Variants in DOCK7 observed in about 807,000 individuals in gnomAD.
DOCK7 encodes dedicator of cytokinesis protein 7.
Under a neutral mutation model 271.0 loss-of-function variants are expected in DOCK7, and 138 were observed. That is an observed-to-expected ratio of 0.51 (90% CI 0.44 to 0.59). DOCK7 has a LOEUF of 0.59. DOCK7 is among the 20% of genes least tolerant of loss of function. The pLI is 0.00. For missense variants in DOCK7, 2,066 were observed against 2,592.4 expected, an observed-to-expected ratio of 0.80 and a Z score of 4.41; for synonymous variants, 823 against 876.1, an observed-to-expected ratio of 0.94 and a Z score of 1.07.
chr1:62,456,727 A>C (rs1645359242), intron 49 of DOCK7, among the ~76,000 whole-genome samples: 1 of 152,052 alleles, frequency 6.6e-6, no homozygotes, highest in African/African-American at 2.4e-5. Flanking sequence ...TGAGATGAGG[A>C]TTAGGCCTAT....
intron 14 of DOCK7, among the ~76,000 whole-genome samples, chr1:62,606,392 A>T (rs1365563444): frequency 1.3e-5 from 2 of 151,548 alleles, no homozygotes; most frequent in Non-Finnish European, 2.9e-5. Flanking sequence ...TTTTCCCCAT[A>T]TAAAGCTTTT....
chr1:62,628,593 T>C (rs983689927), intron 11 of DOCK7: 1 of 152,186 alleles, frequency 6.6e-6, no homozygotes, highest in Admixed American at 6.5e-5. Flanking sequence ...ACTATAAAAC[T>C]CTTACAAGAA....
intron 41 of DOCK7, among the ~76,000 whole-genome samples, chr1:62,490,208 C>T (rs1390488930): frequency 6.6e-6 from 1 of 151,914 alleles, no homozygotes; most frequent in African/African-American, 2.4e-5. Flanking sequence ...GTAGCTAGGA[C>T]TACAGGTGCT....
chr1:62,487,558 C>T, intron 42 of DOCK7, 146 bp from the exon 43 acceptor site: 1 of 639,650 alleles, frequency 1.6e-6, no homozygotes, highest in Non-Finnish European at 2.6e-6. Context: ...TTACTTAAGA[C>T]CTGCAATAAT....
At chr1:62,651,412 C>T (rs1366015573) in intron 4 of DOCK7, among the ~76,000 whole-genome samples, 1 of 142,520 alleles carries the variant, frequency 7.0e-6, no homozygotes, top group Non-Finnish European at 1.5e-5. Flanking sequence ...AACAAACCTG[C>T]AAGTTGTGCA....
At chr1:62,607,457 T>C (rs535550562) in intron 14 of DOCK7, among the ~76,000 whole-genome samples, 1 of 152,200 alleles carries the variant, frequency 6.6e-6, no homozygotes, top group Non-Finnish European at 1.5e-5. Flanking sequence ...CTTAATCTTA[T>C]AAGCTTTCTT....
intron 18 of DOCK7, among the ~76,000 whole-genome samples, chr1:62,564,949 A>G (rs1646460880): frequency 6.6e-6 from 1 of 152,232 alleles, no homozygotes; most frequent in African/African-American, 2.4e-5. Context: ...GAAAATCTAG[A>G]AGAAATGAAT....
rs763259225 is a variant in DOCK7, at chr1:62,604,126, T to G, written c.1682+14580A>C. The stretch of plus-strand genomic sequence containing the variant: ...AAACCAACTATACGCTACATCTAGT[T>G]GCGATTACTGGCAATGTCCCCAATG... On this transcript the variant is annotated intron_variant, in intron 14 of 49. Coordinates refer to ENST00000635253, the MANE Select transcript of DOCK7 (RefSeq NM_001367561.1). 122 of 1,613,316 alleles carry G rather than the reference T, an allele frequency of 7.6e-5. No individual in the cohort carries two copies. Among genetic ancestry groups the G allele is most frequent in the Non-Finnish European group, 1.0e-4 (119 of 1,179,514 alleles).
chr1:62,597,918 C>A, intron 14 of DOCK7: 4 of 1,553,990 alleles, frequency 2.6e-6, no homozygotes, highest in South Asian at 2.5e-5. Flanking sequence ...GAATATGTCA[C>A]TTGAACTCAA....
chr1:62,497,679 TCTCCATGC>T (rs1234618738), intron 37 of DOCK7, among the ~76,000 whole-genome samples: 1 of 152,196 alleles, frequency 6.6e-6, no homozygotes, highest in Admixed American at 6.5e-5. Flanking sequence ...TCCTAATCAA[TCTCCATGC>T]CTTTTTCTTT....
chr1:62,606,824 C>A (rs971781079), intron 14 of DOCK7, among the ~76,000 whole-genome samples: 1 of 152,102 alleles, frequency 6.6e-6, no homozygotes, highest in Non-Finnish European at 1.5e-5. Flanking sequence ...TCTACATATT[C>A]ATCCCAAGTC....
At chr1:62,612,516 C>T (rs962153622) in intron 14 of DOCK7, among the ~76,000 whole-genome samples, 2 of 152,022 alleles carry the variant, frequency 1.3e-5, no homozygotes, top group Non-Finnish European at 2.9e-5. Flanking sequence ...GCACATTCTG[C>T]ACTTGTATCC....
At position 62,636,517 on chromosome 1, in the gene DOCK7, G is replaced by A; in HGVS notation, c.885+20C>T. The A allele has an allele frequency of 6.4e-7, 1 of 1,562,178 alleles. No homozygotes were observed. The highest frequency in any genetic ancestry group is 8.7e-7 in the Non-Finnish European group (1 of 1,145,382). On this transcript the variant is annotated intron_variant, in intron 8 of 49. Transcript: ENST00000635253. ...CCAATGATTATGACAAATAACTATG[G>A]TCAAATTATATAATCTTACCTTTTT...
intron 21 of DOCK7, among the ~76,000 whole-genome samples, chr1:62,553,342 ATATATATATATATTTTTTT>A (rs1160741338): frequency 7.3e-4 from 24 of 32,996 alleles, no homozygotes; most frequent in Non-Finnish European, 1.2e-3. Flanking sequence ...ATATATATAT[ATATATATATATATTTTTTT>A]TTTTTTTTTT....
intron 1 of DOCK7, among the ~76,000 whole-genome samples, chr1:62,666,781 A>G (rs1659372932): frequency 2.0e-5 from 3 of 152,200 alleles, no homozygotes; most frequent in Admixed American, 1.3e-4. Flanking sequence ...CTTCTAATGA[A>G]CCATTAATAT....
intron 8 of DOCK7, 116 bp downstream of exon 8, chr1:62,636,421 C>T (rs1363470158): frequency 5.3e-6 from 4 of 752,892 alleles, no homozygotes; most frequent in South Asian, 2.0e-5. Context: ...TTTCTATTTC[C>T]TTTTTAAAAA....
rs376822420 is a variant in DOCK7, at chr1:62,533,107, CT to C, written c.3611+2385del. On this transcript the variant is annotated intron_variant, in intron 29 of 49. Transcript: ENST00000635253. The stretch of plus-strand genomic sequence containing the variant: ...GGGGTTTATCCGTTCGGAGCCCCCC[CT>C]CCCTCTATATCAGGCAGCCGTTTTC... 3.7e-3 allele frequency among the ~76,000 whole-genome samples: 567 copies of C among 152,190 alleles called. 5 individuals are homozygous for C. The highest frequency in any genetic ancestry group is 0.012 in the African/African-American group (509 of 41,540).
Position 62,685,278 on chromosome 1 carries a change from G to A in DOCK7, c.38+2949C>T, listed in dbSNP as rs192495429. On this transcript the variant is annotated intron_variant, in intron 1 of 49. Coordinates refer to ENST00000635253, the MANE Select transcript of DOCK7 (RefSeq NM_001367561.1). ...AGTAACTTGGCCATGTTTACTCAACGAGTGGCTGTGCTGGGGTGTCAAACC... is the reference window on the plus strand; with the variant it reads ...AGTAACTTGGCCATGTTTACTCAACAAGTGGCTGTGCTGGGGTGTCAAACC... Among the ~76,000 whole-genome samples, 622 of 152,258 alleles carry A rather than the reference G, an allele frequency of 4.1e-3. 6 individuals carry two copies. Among genetic ancestry groups the A allele is most frequent in the Non-Finnish European group, 5.3e-3 (363 of 68,016 alleles).
chr1:62,601,868 G>T, intron 14 of DOCK7: 1 of 1,606,450 alleles, frequency 6.2e-7, no homozygotes, highest in Middle Eastern at 1.7e-4. Context: ...CATGTCTACT[G>T]TGATGTTATA....
Sources: allele counts gnomAD v4.1 joint callset (sites outside exome capture counted in the v4.1 genomes callset), GRCh38; gene constraint gnomAD v4.1.1; transcripts MANE v1.5; gene names NCBI Gene and HGNC (gene_info 2026-07-23, HGNC 2026-07-21).